The following CADM2 variants were observed in gnomAD, a reference collection of about 807,000 sequenced individuals.
The protein encoded by CADM2 is cell adhesion molecule 2.
A neutral mutation model predicts 49.8 loss-of-function variants in CADM2; 12 were observed. The ratio of observed to expected loss-of-function variants is 0.24; its 90% confidence interval spans 0.15 to 0.39. The LOEUF is 0.39. Among genes scored for constraint, CADM2 ranks in the 10% least tolerant of loss-of-function variants. CADM2 has a pLI of 1.00. For synonymous variants in CADM2, 214 were observed against 175.4 expected, an observed-to-expected ratio of 1.22 and a Z score of -1.74; for missense variants, 378 against 492.3, an observed-to-expected ratio of 0.77 and a Z score of 2.20.
intron 1 of CADM2, among the ~76,000 whole-genome samples, chr3:85,208,830 C>G (rs1301179462): frequency 6.6e-6 from 1 of 152,058 alleles, no homozygotes; most frequent in Non-Finnish European, 1.5e-5. Flanking sequence ...ACAAGCATAT[C>G]CAATGATTTA....
At chr3:85,289,630 G>T (rs17022682) in intron 1 of CADM2, among the ~76,000 whole-genome samples, 10,008 of 152,044 alleles carry the variant, frequency 0.066, 1,082 homozygotes, top group African/African-American at 0.23. Flanking sequence ...CAGACTTCAG[G>T]TGAAAAACCG....
intron 1 of CADM2, among the ~76,000 whole-genome samples, chr3:85,286,301 A>G (rs1315172600): frequency 6.6e-6 from 1 of 152,162 alleles, no homozygotes; most frequent in Non-Finnish European, 1.5e-5. Flanking sequence ...CTCATGAAAC[A>G]CATTAATTCA....
At chr3:85,274,098 T>C (rs2043305429) in intron 1 of CADM2, among the ~76,000 whole-genome samples, 1 of 151,318 alleles carries the variant, frequency 6.6e-6, no homozygotes, top group Non-Finnish European at 1.5e-5. Context: ...GCAAATAGGA[T>C]TTAGCAGTGT....
At chr3:85,239,592 T>C (rs1156300059) in intron 1 of CADM2, among the ~76,000 whole-genome samples, 1 of 151,636 alleles carries the variant, frequency 6.6e-6, no homozygotes, top group African/African-American at 2.4e-5. Context: ...TCACATGAGA[T>C]ATTAAGAGAA....
At chr3:85,888,109 G>A (rs939470553) in intron 5 of CADM2, among the ~76,000 whole-genome samples, 3 of 151,994 alleles carry the variant, frequency 2.0e-5, no homozygotes, top group Admixed American at 6.6e-5. Context: ...GACACAATTA[G>A]TTAATTAATT....
rs145787233 is a variant in CADM2 at position 85,049,452 on chromosome 3, G to A, written c.61+89784G>A. Among the ~76,000 whole-genome samples the A allele has an allele frequency of 5.1e-3, 768 of 151,798 alleles. 7 individuals are homozygous for A. The highest frequency in any genetic ancestry group is 0.018 in the African/African-American group (744 of 41,360). ...TGCAAGCTCCGCCTCCCGGGTTCAC[G>A]CCATTCTCCTGCCTCAGCCTCCCGA... is the stretch of plus-strand genomic sequence containing the variant. On this transcript the variant is annotated intron_variant, in intron 1 of 9. Coordinates refer to ENST00000383699, the MANE Select transcript of CADM2 (RefSeq NM_001167675.2).
intron 1 of CADM2, among the ~76,000 whole-genome samples, chr3:85,697,214 A>T (rs1393959400): frequency 6.6e-6 from 1 of 151,766 alleles, no homozygotes; most frequent in African/African-American, 2.4e-5. Flanking sequence ...CTTGTAATTC[A>T]TTCATAATTT....
intron 7 of CADM2, among the ~76,000 whole-genome samples, chr3:85,959,042 C>CTATATATT (rs1384261953): frequency 6.6e-6 from 1 of 150,380 alleles, no homozygotes; most frequent in Admixed American, 6.7e-5. Flanking sequence ...ATATCTATAT[C>CTATATATT]TATATATCTA....
intron 8 of CADM2, among the ~76,000 whole-genome samples, chr3:86,005,252 T>G (rs1730641157): frequency 6.6e-6 from 1 of 152,198 alleles, no homozygotes; most frequent in African/African-American, 2.4e-5. Flanking sequence ...ATTTATTTTG[T>G]TTTTTAAATA....
At chr3:85,473,858 G>A (rs528922045) in intron 1 of CADM2, among the ~76,000 whole-genome samples, 76 of 152,054 alleles carry the variant, frequency 5.0e-4, no homozygotes, top group South Asian at 1.2e-3. Flanking sequence ...TTTTGTGACT[G>A]TAGTCACAAA....
chr3:85,253,228 A>T (rs945477559), intron 1 of CADM2, among the ~76,000 whole-genome samples: 11 of 152,108 alleles, frequency 7.2e-5, no homozygotes, highest in African/African-American at 2.7e-4. Context: ...TATACAATAG[A>T]TGCATGATTG....
At chr3:85,836,977 G>T (rs962311191) in intron 3 of CADM2, among the ~76,000 whole-genome samples, 1 of 151,546 alleles carries the variant, frequency 6.6e-6, no homozygotes. Context: ...GAATTACATA[G>T]GAGGGATCAT....
rs184920414 is a variant in CADM2, at chr3:85,670,272, G to A, written c.62-56250G>A. ...CTATAATTAAAAATGAAGCTATATT[G>A]TTTTGTTTTTCAGGAGAGAATAACT... On this transcript the variant is annotated intron_variant, in intron 1 of 9. Transcript: ENST00000383699. 6.6e-3 allele frequency among the ~76,000 whole-genome samples: 1,007 copies of A among 152,144 alleles called. 18 individuals carry two copies. The highest frequency in any genetic ancestry group is 0.023 in the African/African-American group (970 of 41,514).
intron 1 of CADM2, among the ~76,000 whole-genome samples, chr3:85,561,770 T>A (rs2062102888): frequency 6.6e-6 from 1 of 152,090 alleles, no homozygotes; most frequent in Non-Finnish European, 1.5e-5. Context: ...GCAAGTGAGG[T>A]CTTGAATGCT....
intron 1 of CADM2, among the ~76,000 whole-genome samples, chr3:85,144,409 G>A (rs370316417): frequency 7.2e-5 from 11 of 151,934 alleles, no homozygotes; most frequent in South Asian, 4.2e-4. Flanking sequence ...TCAAGGGTTC[G>A]TGACCAGCCC....
chr3:85,340,147 A>G (rs1323198638), intron 1 of CADM2, among the ~76,000 whole-genome samples: 1 of 151,538 alleles, frequency 6.6e-6, no homozygotes, highest in Admixed American at 6.6e-5. Context: ...AAATAATCTG[A>G]AAAAGTACAC....
intron 1 of CADM2, among the ~76,000 whole-genome samples, chr3:85,385,001 T>C (rs1290798732): frequency 6.6e-6 from 1 of 152,108 alleles, no homozygotes; most frequent in Non-Finnish European, 1.5e-5. Context: ...AGTGGTGTGA[T>C]CTTGGCTCAC....
intron 1 of CADM2, among the ~76,000 whole-genome samples, chr3:85,321,657 T>C (rs1438390296): frequency 1.3e-5 from 2 of 152,152 alleles, no homozygotes; most frequent in Admixed American, 6.5e-5. Flanking sequence ...AAATTTGGCT[T>C]ATACATCTCA....
intron 1 of CADM2, among the ~76,000 whole-genome samples, chr3:85,195,465 C>T (rs2041320018): frequency 6.6e-6 from 1 of 151,700 alleles, no homozygotes; most frequent in African/African-American, 2.4e-5. Context: ...ATGACCTCAC[C>T]TGTGAGACTC....
Sources: allele counts gnomAD v4.1 joint callset (sites outside exome capture counted in the v4.1 genomes callset), GRCh38; gene constraint gnomAD v4.1.1; transcripts MANE v1.5; gene names NCBI Gene and HGNC (gene_info 2026-07-23, HGNC 2026-07-21).